Variants in PTDSS1 observed in about 807,000 individuals in gnomAD.
PTDSS1 encodes the protein phosphatidylserine synthase 1.
Under a neutral mutation model 70.5 loss-of-function variants are expected in PTDSS1, and 45 were observed. That is an observed-to-expected ratio of 0.64 (90% CI 0.50 to 0.82). PTDSS1 has a LOEUF of 0.82. Ranked by LOEUF, PTDSS1 falls within the 40% of genes least tolerant of loss-of-function variation. The probability of loss-of-function intolerance (pLI) is 0.00; values close to 1 mark genes in which losing one functional copy is unlikely to be tolerated. For missense variants in PTDSS1, 417 were observed against 586.1 expected (o/e 0.71, Z 2.98); for synonymous variants, 188 against 203.8 (o/e 0.92, Z 0.66).
At chr8:96,266,023 TCA>T (rs573327024) in intron 1 of PTDSS1, among the ~76,000 whole-genome samples, 91 of 152,378 alleles carry the variant, frequency 6.0e-4, no homozygotes, top group African/African-American at 2.1e-3. Flanking sequence ...TGTCTCAAGC[TCA>T]GAGTATAATA....
At position 96,285,673 on chromosome 8, in the gene PTDSS1, G is replaced by A. The variant is rs958804408; in HGVS notation, c.317-1349G>A. On this transcript the variant is annotated intron_variant, in intron 3 of 12. Transcript: ENST00000517309. ...GGAGCATGGAGCCCTTTGATAATCCGATGAGACCTATAGATAGACCCATTC... is the reference window on the plus strand; with the variant it reads ...GGAGCATGGAGCCCTTTGATAATCCAATGAGACCTATAGATAGACCCATTC... Among the ~76,000 whole-genome samples the A allele has an allele frequency of 7.2e-5, 11 of 152,018 alleles. No homozygotes were observed. In the South Asian group the frequency reaches 1.0e-3, roughly 14 times the overall value.
intron 5 of PTDSS1, among the ~76,000 whole-genome samples, chr8:96,296,079 C>G (rs893656612): frequency 1.3e-5 from 2 of 151,416 alleles, no homozygotes; most frequent in Non-Finnish European, 2.9e-5. Flanking sequence ...ATGCATGACC[C>G]CTTCCTGGTC....
At chr8:96,263,834 C>G (rs1164925874) in intron 1 of PTDSS1, among the ~76,000 whole-genome samples, 4 of 152,162 alleles carry the variant, frequency 2.6e-5, no homozygotes. Context: ...TGGTGCCTCC[C>G]TTAGGAATAA....
Position 96,300,533 on chromosome 8 carries a change from T to C in PTDSS1, c.752+688T>C, listed in dbSNP as rs1811036273. ...GTAGAGGACAGTCATACCGCCGGCA[T>C]TGCTTTATCCTGCTTTGTTAAACTT... On this transcript the variant is annotated intron_variant, in intron 6 of 12. Transcript: ENST00000517309. Among the ~76,000 whole-genome samples the C allele has an allele frequency of 2.6e-5, 4 of 152,184 alleles. 1 individual carries two copies. Among genetic ancestry groups the C allele is most frequent in the Admixed American group, 2.0e-4 (3 of 15,278 alleles).
At chr8:96,292,301 A>AAG (rs1222282587) in intron 4 of PTDSS1, among the ~76,000 whole-genome samples, 2 of 151,428 alleles carry the variant, frequency 1.3e-5, no homozygotes, top group Admixed American at 6.6e-5. Context: ...AAAAAAAAAA[A>AAG]AAAAAAAAAG....
chr8:96,307,469 A>C (rs1811142125), intron 8 of PTDSS1, among the ~76,000 whole-genome samples: 1 of 148,438 alleles, frequency 6.7e-6, no homozygotes, highest in Non-Finnish European at 1.5e-5. Flanking sequence ...AAAAAAAAAA[A>C]AAAAAAAAAA....
rs767962074 is a variant in PTDSS1, at chr8:96,262,248, C to A, written c.179+29C>A. 5.3e-6 allele frequency: 7 copies of A among 1,327,464 alleles called. No homozygotes were observed. Among genetic ancestry groups the A allele is most frequent in the Non-Finnish European group, 7.0e-6 (7 of 994,094 alleles). 82.2% of individuals were successfully genotyped at this position (1,327,464 alleles called of 1,614,324 possible). ...GGGCGGCCCAGCCGAGCGGGGGGCGCGTCCAAGGGCTAGGGAAGAGGCGGG... is the reference window on the plus strand; with the variant it reads ...GGGCGGCCCAGCCGAGCGGGGGGCGAGTCCAAGGGCTAGGGAAGAGGCGGG... On this transcript the variant is annotated intron_variant, in intron 1 of 12. Coordinates refer to ENST00000517309, the MANE Select transcript of PTDSS1 (RefSeq NM_014754.3). This position sits in a 1 kb window ranked among gnomAD's most constrained non-coding sequence, Gnocchi z 4.4.
intron 1 of PTDSS1, among the ~76,000 whole-genome samples, chr8:96,266,927 C>A (rs1810495384): frequency 6.6e-6 from 1 of 152,106 alleles, no homozygotes; most frequent in African/African-American, 2.4e-5. Flanking sequence ...TCTCTGGGGT[C>A]TACTGCAGTG....
At chr8:96,281,724 C>T (rs936505863) in intron 2 of PTDSS1, among the ~76,000 whole-genome samples, 17 of 152,200 alleles carry the variant, frequency 1.1e-4, no homozygotes, top group African/African-American at 4.1e-4. Context: ...TCTTCCTGAG[C>T]TGACCCAGTT....
chr8:96,309,696 T>G, intron 9 of PTDSS1, 74 bp downstream of exon 9: 2 of 1,429,962 alleles, frequency 1.4e-6, no homozygotes, highest in Non-Finnish European at 2.0e-6. Context: ...CTTGACCCTG[T>G]GTTAAGAGCC....
intron 11 of PTDSS1, chr8:96,330,719 T>G (rs1811502998): frequency 2.4e-6 from 1 of 408,174 alleles, no homozygotes; most frequent in South Asian, 3.0e-5. Flanking sequence ...ATGAATGGCT[T>G]TAAGACACGA....
rs57116529 is a variant in PTDSS1 at position 96,276,980 on chromosome 8, GCACACACACACA to G, written c.271+3612_271+3623del. On this transcript the variant is annotated intron_variant, in intron 2 of 12. Transcript: ENST00000517309. The stretch of plus-strand genomic sequence containing the variant: ...GGCACATACACGCGCGCACGCGCGC[GCACACACACACA>G]CACACACACACACACACACACCACC... Among the ~76,000 whole-genome samples, 55 of 146,014 alleles carry G rather than the reference GCACACACACACA, an allele frequency of 3.8e-4. 1 individual carries two copies. In the South Asian group the frequency reaches 0.011, roughly 30 times the overall value.
At chr8:96,293,417 C>T (rs934536182) in intron 4 of PTDSS1, among the ~76,000 whole-genome samples, 2 of 152,220 alleles carry the variant, frequency 1.3e-5, no homozygotes, top group East Asian at 1.9e-4. Flanking sequence ...TGTCTTTACC[C>T]ATCTTTTGCT....
intron 8 of PTDSS1, among the ~76,000 whole-genome samples, chr8:96,308,592 C>T (rs1330869686): frequency 6.6e-6 from 1 of 152,178 alleles, no homozygotes; most frequent in Non-Finnish European, 1.5e-5. Context: ...CCACTCACCA[C>T]GTGTGGCTAT....
chr8:96,298,596 G>A (rs1301588165), intron 5 of PTDSS1, among the ~76,000 whole-genome samples: 1 of 152,112 alleles, frequency 6.6e-6, no homozygotes, highest in African/African-American at 2.4e-5. Flanking sequence ...AGTCATTCTT[G>A]TCCTTAACGT....
intron 4 of PTDSS1, among the ~76,000 whole-genome samples, chr8:96,290,145 G>C (rs1810882579): frequency 6.6e-6 from 1 of 152,054 alleles, no homozygotes; most frequent in Non-Finnish European, 1.5e-5. Flanking sequence ...GATCTCTCTG[G>C]CGTCAAAACC....
intron 1 of PTDSS1, among the ~76,000 whole-genome samples, chr8:96,269,531 A>G (rs1299626579): frequency 6.6e-6 from 1 of 152,176 alleles, no homozygotes; most frequent in Non-Finnish European, 1.5e-5. Flanking sequence ...TTAGTTGAGC[A>G]AGTACCCTTA....
intron 4 of PTDSS1, among the ~76,000 whole-genome samples, chr8:96,292,410 T>A (rs1280933512): frequency 2.6e-5 from 4 of 152,036 alleles, no homozygotes; most frequent in Admixed American, 2.6e-4. Context: ...GTGTCATAGA[T>A]TCAAGGAAGC....
chr8:96,299,630 T>C, intron 5 of PTDSS1, 64 bp from the exon 6 acceptor site: 4 of 1,444,860 alleles, frequency 2.8e-6, no homozygotes, highest in Non-Finnish European at 2.8e-6. Context: ...AAAGGAAATC[T>C]ATCTATCTGC....
Sources: allele counts gnomAD v4.1 joint callset (sites outside exome capture counted in the v4.1 genomes callset), GRCh38; gene constraint gnomAD v4.1.1; non-coding constraint Gnocchi (gnomAD v3.1); transcripts MANE v1.5; gene names NCBI Gene and HGNC (gene_info 2026-07-23, HGNC 2026-07-21).